The following VMP1 variants were observed in gnomAD, a reference collection of about 807,000 sequenced individuals.
VMP1 encodes the protein vacuole membrane protein 1, also known as ectopic P-granules autophagy protein 3 homolog.
VMP1 carries 11 observed loss-of-function variants against 56.0 expected under a neutral mutation model. The ratio of observed to expected loss-of-function variants is 0.20; its 90% confidence interval spans 0.12 to 0.32. The LOEUF (loss-of-function observed/expected upper bound fraction) is 0.32. Ranked by LOEUF, VMP1 falls within the 10% of genes least tolerant of loss-of-function variation. VMP1 has a pLI of 1.00. For synonymous variants in VMP1, 149 were observed against 165.0 expected (o/e 0.90, Z 0.74); for missense variants, 296 against 490.3 (o/e 0.60, Z 3.74).
intron 10 of VMP1, among the ~76,000 whole-genome samples, chr17:59,826,126 A>G (rs1393297280): frequency 6.6e-6 from 1 of 152,240 alleles, no homozygotes; most frequent in African/African-American, 2.4e-5. Flanking sequence ...AGACTCAGTT[A>G]TACAGTCTAA....
intron 4 of VMP1, 129 bp downstream of exon 4, chr17:59,737,672 A>C: frequency 1.4e-6 from 1 of 691,048 alleles, no homozygotes; most frequent in Non-Finnish European, 2.3e-6. Context: ...TAGTATCTCA[A>C]ATGTTTTACT....
chr17:59,768,606 G>GA (rs1156664300), intron 6 of VMP1, among the ~76,000 whole-genome samples: 43 of 148,490 alleles, frequency 2.9e-4, no homozygotes, highest in African/African-American at 9.1e-4. Flanking sequence ...CCATCTCAAA[G>GA]AAAAAAAAAC....
chr17:59,806,144 G>A (rs1037703389), intron 7 of VMP1, among the ~76,000 whole-genome samples: 2 of 151,660 alleles, frequency 1.3e-5, no homozygotes, highest in African/African-American at 4.8e-5. Flanking sequence ...AGTAATTTGG[G>A]GACTAATTGT....
chr17:59,803,226 TA>T (rs1362727584), intron 7 of VMP1, among the ~76,000 whole-genome samples: 2 of 152,220 alleles, frequency 1.3e-5, no homozygotes, highest in Admixed American at 6.6e-5. Context: ...CTCTCAATCA[TA>T]AATATCTTTC....
intron 7 of VMP1, among the ~76,000 whole-genome samples, chr17:59,783,585 C>T (rs2036901098): frequency 6.6e-6 from 1 of 152,066 alleles, no homozygotes; most frequent in Non-Finnish European, 1.5e-5. Context: ...TCTTTATGAT[C>T]TTCTTTTCCT....
rs139452857 is a variant in VMP1, at chr17:59,771,885, T to G, written c.583-1869T>G. ...TGCGAGCCATGACGTCTGACCAACT[T>G]TTCTTATTTAGCAATATATATGATT... On this transcript the variant is annotated intron_variant, in intron 6 of 11. Coordinates refer to ENST00000262291, the MANE Select transcript of VMP1 (RefSeq NM_030938.5). 2.2e-3 allele frequency among the ~76,000 whole-genome samples: 336 copies of G among 152,156 alleles called. 3 individuals are homozygous for G. The highest frequency in any genetic ancestry group is 7.7e-3 in the African/African-American group (320 of 41,514).
At chr17:59,795,417 G>A (rs1232748326) in intron 7 of VMP1, among the ~76,000 whole-genome samples, 1 of 147,338 alleles carries the variant, frequency 6.8e-6, no homozygotes, top group Non-Finnish European at 1.5e-5. Context: ...GTGCCTGGCC[G>A]ATAATTTTTT....
chr17:59,801,146 G>A (rs1048815168), intron 7 of VMP1, among the ~76,000 whole-genome samples: 2 of 137,570 alleles, frequency 1.5e-5, no homozygotes, highest in Admixed American at 7.5e-5. Flanking sequence ...GTGTGTGTGT[G>A]TGTATGGCAC....
intron 1 of VMP1, among the ~76,000 whole-genome samples, chr17:59,709,986 A>G (rs2143681324): frequency 6.6e-6 from 1 of 152,214 alleles, no homozygotes; most frequent in African/African-American, 2.4e-5. Flanking sequence ...TCACGAGGTC[A>G]GGCGATCGAG....
At chr17:59,817,342 CTTTTA>C (rs71145577) in intron 9 of VMP1, among the ~76,000 whole-genome samples, 1 of 137,376 alleles carries the variant, frequency 7.3e-6, no homozygotes, top group Non-Finnish European at 1.5e-5. Flanking sequence ...TAAATGTTAT[CTTTTA>C]TTTTATTTTA....
chr17:59,759,903 GTT>G (rs58618508), intron 5 of VMP1, among the ~76,000 whole-genome samples: 3,293 of 97,962 alleles, frequency 0.034, 109 homozygotes, highest in African/African-American at 0.073. Context: ...GTTTTTTGGT[GTT>G]TTTTTTTTTT....
At chr17:59,776,888 A>G (rs2036636155) in intron 7 of VMP1, among the ~76,000 whole-genome samples, 1 of 152,218 alleles carries the variant, frequency 6.6e-6, no homozygotes, top group South Asian at 2.1e-4. Flanking sequence ...TTCTCTCATA[A>G]GTCAACTAAT....
chr17:59,829,998 A>C (rs1279053311), intron 10 of VMP1, among the ~76,000 whole-genome samples: 1 of 152,210 alleles, frequency 6.6e-6, no homozygotes, highest in Non-Finnish European at 1.5e-5. Context: ...ATTGATTTAC[A>C]TACAGTGGTC....
chr17:59,793,197 T>A (rs965948618), intron 7 of VMP1, among the ~76,000 whole-genome samples: 1 of 112,196 alleles, frequency 8.9e-6, no homozygotes. Flanking sequence ...ATTTTTTTTT[T>A]AGTAGAGATG....
chr17:59,745,337 T>C (rs2035384846), intron 5 of VMP1, among the ~76,000 whole-genome samples: 1 of 152,224 alleles, frequency 6.6e-6, no homozygotes, highest in African/African-American at 2.4e-5. Flanking sequence ...AGAGCCAAGC[T>C]AGTCAATAAC....
intron 5 of VMP1, among the ~76,000 whole-genome samples, chr17:59,751,989 T>C (rs193301466): frequency 6.6e-6 from 1 of 152,012 alleles, no homozygotes; most frequent in Non-Finnish European, 1.5e-5. Flanking sequence ...GGGTTTTTTT[T>C]AGGGGTAGAA....
At chr17:59,720,008 C>A (rs1199546606) in intron 1 of VMP1, among the ~76,000 whole-genome samples, 1 of 152,176 alleles carries the variant, frequency 6.6e-6, no homozygotes, top group Non-Finnish European at 1.5e-5. Context: ...CAACCCCATC[C>A]ACAGACCTAT....
At chr17:59,750,673 G>A (rs1300301206) in intron 5 of VMP1, among the ~76,000 whole-genome samples, 1 of 152,040 alleles carries the variant, frequency 6.6e-6, no homozygotes, top group Non-Finnish European at 1.5e-5. Flanking sequence ...TATCTTTATA[G>A]TGAGGTATAT....
rs2034327075 is a variant in VMP1, at chr17:59,719,878, A to G, written c.-26-11543A>G. Among the ~76,000 whole-genome samples the G allele has an allele frequency of 2.6e-5, 4 of 152,184 alleles. No homozygotes were observed. In the South Asian group the frequency reaches 8.3e-4, roughly 32 times the overall value. ...CACATTTAATGTTAACTCTGTTTTA[A>G]ATGCTTCAGCTGCAGTTAAGGTCTG... On this transcript the variant is annotated intron_variant, in intron 1 of 11. Coordinates refer to ENST00000262291, the MANE Select transcript of VMP1 (RefSeq NM_030938.5).
Sources: allele counts gnomAD v4.1 joint callset (sites outside exome capture counted in the v4.1 genomes callset), GRCh38; gene constraint gnomAD v4.1.1; transcripts MANE v1.5; gene names NCBI Gene and HGNC (gene_info 2026-07-23, HGNC 2026-07-21).